Variants in ANO3 observed in about 807,000 individuals in gnomAD.
The protein encoded by ANO3 is anoctamin-3.
A neutral mutation model predicts 144.8 loss-of-function variants in ANO3; 99 were observed. The observed-to-expected ratio is 0.68, with a 90% CI of 0.58 to 0.81. The LOEUF (loss-of-function observed/expected upper bound fraction) is 0.81, where lower values mean the gene tolerates loss of function less well. Among genes scored for constraint, ANO3 ranks in the 30% least tolerant of loss-of-function variants. ANO3 has a pLI of 0.00. For missense variants in ANO3, 905 were observed against 1,202.2 expected (o/e 0.75, Z 3.66); for synonymous variants, 414 against 392.6 (o/e 1.05, Z -0.64).
intron 1 of ANO3, among the ~76,000 whole-genome samples, chr11:26,259,218 A>G (rs1006620535): frequency 8.5e-5 from 13 of 152,160 alleles, no homozygotes; most frequent in Admixed American, 1.3e-4. Context: ...ATAGAAATAG[A>G]TTGAATAGAT....
intron 21 of ANO3, 141 bp downstream of exon 21, chr11:26,639,382 C>T: frequency 1.6e-6 from 1 of 631,576 alleles, no homozygotes; most frequent in Non-Finnish European, 2.8e-6. Flanking sequence ...TACTAAATGT[C>T]TGCCCATGTG....
intron 1 of ANO3, among the ~76,000 whole-genome samples, chr11:26,407,036 A>C (rs1348826922): frequency 8.5e-6 from 1 of 117,726 alleles, no homozygotes; most frequent in Non-Finnish European, 1.7e-5. Context: ...GTGTGTGTGT[A>C]TATATATATG....
At chr11:26,575,945 A>T (rs1263945867) in intron 14 of ANO3, among the ~76,000 whole-genome samples, 1 of 152,222 alleles carries the variant, frequency 6.6e-6, no homozygotes, top group South Asian at 2.1e-4. Flanking sequence ...TGATGGAAAC[A>T]TTTAAAAAAT....
intron 4 of ANO3, among the ~76,000 whole-genome samples, chr11:26,467,790 T>C (rs1859652162): frequency 6.6e-6 from 1 of 151,894 alleles, no homozygotes; most frequent in African/African-American, 2.4e-5. Context: ...TAAGACCAAT[T>C]TACTTTCTGT....
chr11:26,301,241 C>T (rs1390845630), intron 1 of ANO3, among the ~76,000 whole-genome samples: 3 of 152,056 alleles, frequency 2.0e-5, no homozygotes, highest in Non-Finnish European at 4.4e-5. Flanking sequence ...CATTGGATTT[C>T]TAATTTCAAT....
At chr11:26,450,875 C>A (rs896461716) in intron 3 of ANO3, among the ~76,000 whole-genome samples, 2 of 152,130 alleles carry the variant, frequency 1.3e-5, no homozygotes, top group Non-Finnish European at 2.9e-5. Flanking sequence ...AGAAGAATGA[C>A]TGAGCTGGAA....
chr11:26,266,710 G>A lies in ANO3; in HGVS notation c.155-42935G>A, dbSNP rs367674763. ...GGCCTCCCAAAGTGCTGGGATTACA[G>A]GCGTGATCCACCGTGCCCGGCCACC... On this transcript the variant is annotated intron_variant, in intron 1 of 27. Coordinates refer to the ANO3 transcript ENST00000672621. Among the ~76,000 whole-genome samples, 68 of 151,706 alleles carry A rather than the reference G, an allele frequency of 4.5e-4. 1 individual carries two copies. The South Asian group carries it at 9.2e-3, about 20-fold the overall frequency.
At chr11:26,446,466 G>A (rs982641532) in intron 3 of ANO3, among the ~76,000 whole-genome samples, 1 of 152,186 alleles carries the variant, frequency 6.6e-6, no homozygotes, top group Non-Finnish European at 1.5e-5. Context: ...ACTGCATGTG[G>A]TCAGTGTTTC....
At chr11:26,625,566 A>G (rs557660910) in intron 18 of ANO3, among the ~76,000 whole-genome samples, 32 of 152,056 alleles carry the variant, frequency 2.1e-4, no homozygotes, top group Non-Finnish European at 4.6e-4. Flanking sequence ...TTTTTATACC[A>G]CTTCTGTATT....
intron 5 of ANO3, among the ~76,000 whole-genome samples, chr11:26,510,436 T>A (rs1861619855): frequency 6.6e-6 from 1 of 152,114 alleles, no homozygotes; most frequent in African/African-American, 2.4e-5. Flanking sequence ...GAAAAAAAAA[T>A]CTCATGAACT....
Position 26,662,477 on chromosome 11 carries a change from T to A in ANO3, c.*2033T>A, listed in dbSNP as rs1853908802. The A allele has an allele frequency of 1.3e-5, 2 of 152,142 alleles. No individual in the cohort carries two copies. The highest frequency in any genetic ancestry group is 4.1e-4 in the South Asian group (2 of 4,830). The allele number at this position is 152,142 out of a possible 1,614,324, so 9.4% of individuals were successfully genotyped here. ...ATACTCTCTCTACCTAATAATAACA[T>A]CAACCAACATCTTTTCCAAATTAGG... is the stretch of plus-strand genomic sequence containing the variant. On this transcript the variant is annotated 3_prime_UTR_variant, in exon 27 of 27. Transcript: ENST00000256737.
chr11:26,398,768 A>G (rs534858980), intron 1 of ANO3, among the ~76,000 whole-genome samples: 39 of 152,196 alleles, frequency 2.6e-4, no homozygotes, highest in African/African-American at 7.9e-4. Context: ...GATGGTATTC[A>G]TGTGGGTTAT....
At chr11:26,437,389 C>A (rs1215340411) in intron 1 of ANO3, among the ~76,000 whole-genome samples, 1 of 152,184 alleles carries the variant, frequency 6.6e-6, no homozygotes, top group African/African-American at 2.4e-5. Flanking sequence ...TTGCAAATAT[C>A]CATGAGAGAA....
intron 1 of ANO3, among the ~76,000 whole-genome samples, chr11:26,338,122 A>G (rs1210904648): frequency 6.6e-6 from 1 of 152,040 alleles, no homozygotes; most frequent in Admixed American, 6.6e-5. Flanking sequence ...AATTAAAAAA[A>G]AAAAAAACAG....
intron 26 of ANO3, among the ~76,000 whole-genome samples, chr11:26,656,702 A>G (rs895315626): frequency 6.6e-6 from 1 of 152,152 alleles, no homozygotes; most frequent in Non-Finnish European, 1.5e-5. Context: ...ATCAGCGTTA[A>G]TAAAAAAGCT....
intron 1 of ANO3, among the ~76,000 whole-genome samples, chr11:26,281,577 C>A (rs1342881705): frequency 6.6e-6 from 1 of 152,094 alleles, no homozygotes. Flanking sequence ...TTGACCCCAC[C>A]CTAGGAATTT....
chr11:26,507,995 A>G, intron 4 of ANO3, 109 bp from the exon 5 acceptor site: 1 of 963,676 alleles, frequency 1.0e-6, no homozygotes, highest in Non-Finnish European at 1.5e-6. Context: ...GGAATATTAA[A>G]AATACATTTT....
At chr11:26,357,017 C>T (rs966893164) in intron 1 of ANO3, among the ~76,000 whole-genome samples, 1 of 152,206 alleles carries the variant, frequency 6.6e-6, no homozygotes, top group Admixed American at 6.5e-5. Context: ...ATCACATCTA[C>T]AAAGTCCCTT....
chr11:26,332,369 C>A (rs1564968886), intron 1 of ANO3, 48 bp downstream of exon 1: 1 of 1,590,074 alleles, frequency 6.3e-7, no homozygotes, highest in Admixed American at 1.7e-5. Context: ...CACTTCCCCC[C>A]TGCATGCCCT....
Sources: allele counts gnomAD v4.1 joint callset (sites outside exome capture counted in the v4.1 genomes callset), GRCh38; gene constraint gnomAD v4.1.1; transcripts MANE v1.5; gene names NCBI Gene and HGNC (gene_info 2026-07-23, HGNC 2026-07-21).